ZBED4: variants seen among roughly 807,000 people sequenced by gnomAD.
ZBED4 encodes zinc finger BED domain-containing protein 4.
Under a neutral mutation model 15.5 loss-of-function variants are expected in ZBED4, and 4 were observed. The observed-to-expected ratio is 0.26, with a 90% CI of 0.13 to 0.59. The LOEUF is 0.59. Among genes scored for constraint, ZBED4 ranks in the 20% least tolerant of loss-of-function variants. ZBED4 has a pLI of 0.90. For missense variants in ZBED4, 1,323 were observed against 1,461.8 expected (o/e 0.91, Z 1.55); for synonymous variants, 692 against 608.5 (o/e 1.14, Z -2.02).
At chr22:49,881,514 C>G (rs2060409612) in intron 1 of ZBED4, among the ~76,000 whole-genome samples, 1 of 152,150 alleles carries the variant, frequency 6.6e-6, no homozygotes, top group Non-Finnish European at 1.5e-5. Flanking sequence ...GCCTTCCAAG[C>G]AGCTGAGATA....
At chr22:49,873,591 G>C (rs959155049) in intron 1 of ZBED4, among the ~76,000 whole-genome samples, 3 of 152,224 alleles carry the variant, frequency 2.0e-5, no homozygotes, top group African/African-American at 7.2e-5. Context: ...GTTAGAAAAT[G>C]GCACCGATGG....
chr22:49,856,143 A>G (rs1191192404), intron 1 of ZBED4, among the ~76,000 whole-genome samples: 1 of 152,180 alleles, frequency 6.6e-6, no homozygotes, highest in African/African-American at 2.4e-5. Flanking sequence ...ATCACTGGAT[A>G]TGTGCTTTTG....
intron 1 of ZBED4, among the ~76,000 whole-genome samples, chr22:49,870,440 C>A (rs970774953): frequency 1.3e-5 from 2 of 152,184 alleles, no homozygotes; most frequent in East Asian, 3.8e-4. Context: ...GACATCCCTG[C>A]CAGCAGTGCT....
intron 1 of ZBED4, among the ~76,000 whole-genome samples, chr22:49,866,565 T>G (rs2060323240): frequency 6.6e-6 from 1 of 152,202 alleles, no homozygotes; most frequent in African/African-American, 2.4e-5. Flanking sequence ...TCCTGATTTA[T>G]GTTGTTTCTT....
chr22:49,866,103 A>G (rs972557072), intron 1 of ZBED4, among the ~76,000 whole-genome samples: 3 of 149,698 alleles, frequency 2.0e-5, no homozygotes, highest in East Asian at 3.9e-4. Flanking sequence ...TTTCTTTCCA[A>G]GTGACTTTGT....
chr22:49,859,251 C>T (rs553997933), intron 1 of ZBED4, among the ~76,000 whole-genome samples: 11 of 152,166 alleles, frequency 7.2e-5, no homozygotes, highest in African/African-American at 2.2e-4. Flanking sequence ...CAATTCTTAG[C>T]GGAAGATGGT....
rs1263685461 is a variant in ZBED4 at position 49,889,892 on chromosome 22, A to G, written c.*2714A>G. The G allele has an allele frequency of 6.0e-6, 1 of 167,068 alleles. No individual in the cohort carries two copies. Among genetic ancestry groups the G allele is most frequent in the Non-Finnish European group, 1.5e-5 (1 of 68,116 alleles). 10.3% of individuals were successfully genotyped at this position (167,068 alleles called of 1,614,324 possible). On this transcript the variant is annotated 3_prime_UTR_variant, in exon 2 of 2. Coordinates refer to ENST00000216268, the MANE Select transcript of ZBED4 (RefSeq NM_014838.3). ...CTGTTTGTTTCCCTGCCTGGAAATG[A>G]TGTTTTAGGCAGGTTCCTTAATTTC...
rs776291488 is a variant in ZBED4 at position 49,884,052 on chromosome 22, C to T, written c.390C>T (p.Asp130=). The change falls in exon 2 of 2, where the codon GAC becomes GAT. Residue 130 remains aspartate (D), a synonymous_variant. Transcript: ENST00000216268. ...AWKHFFISPR[D]STKAICMYCV... is the part of the protein sequence containing the mutation. Reference sequence around the variant, plus strand: ...AGCATTTTTTTATCTCTCCCCGAGACAGCACTAAAGCAATATGCATGTACT... The same window carrying T: ...AGCATTTTTTTATCTCTCCCCGAGATAGCACTAAAGCAATATGCATGTACT... 4.4e-6 allele frequency: 7 copies of T among 1,604,718 alleles called. No homozygotes were observed. Among genetic ancestry groups the T allele is most frequent in the Middle Eastern group, 1.7e-4 (1 of 5,984 alleles).
chr22:49,876,160 T>C (rs1423610436), intron 1 of ZBED4, among the ~76,000 whole-genome samples: 2 of 152,226 alleles, frequency 1.3e-5, no homozygotes, highest in African/African-American at 2.4e-5. Flanking sequence ...TTGATTTTGG[T>C]TCTTTTAAAT....
chr22:49,862,258 G>A (rs2060300532), intron 1 of ZBED4, among the ~76,000 whole-genome samples: 2 of 152,282 alleles, frequency 1.3e-5, no homozygotes, highest in South Asian at 4.1e-4. Context: ...AAAGTCGCTT[G>A]GAAGGTGGTT....
intron 1 of ZBED4, among the ~76,000 whole-genome samples, chr22:49,862,137 C>T (rs1047325503): frequency 3.3e-5 from 5 of 152,198 alleles, no homozygotes; most frequent in Admixed American, 2.0e-4. Flanking sequence ...GGATGTAGCA[C>T]GGAGCAGTTG....
intron 1 of ZBED4, among the ~76,000 whole-genome samples, chr22:49,873,451 C>CA (rs1164728424): frequency 6.6e-6 from 1 of 152,068 alleles, no homozygotes; most frequent in Non-Finnish European, 1.5e-5. Flanking sequence ...TGTGGTGGCT[C>CA]ACGTTAATTA....
chr22:49,877,661 A>C (rs1569162047), intron 1 of ZBED4, among the ~76,000 whole-genome samples: 2 of 152,188 alleles, frequency 1.3e-5, no homozygotes, highest in African/African-American at 2.4e-5. Flanking sequence ...TAATCTGATA[A>C]ATATATATCC....
At position 49,883,692 on chromosome 22, in the gene ZBED4, A is replaced by C; in HGVS notation, c.30A>C (p.Lys10Asn). The C allele has an allele frequency of 3.8e-6, 6 of 1,595,904 alleles. No homozygotes were observed. Among genetic ancestry groups the C allele is most frequent in the Non-Finnish European group, 5.1e-6 (6 of 1,166,990 alleles). Residue 10 changes from lysine to asparagine, a missense_variant, in exon 2 of 2, where the codon AAA (lysine) becomes AAC (asparagine). By Grantham distance (94) the Lys-to-Asn change is moderately conservative. Coordinates refer to ENST00000216268, the MANE Select transcript of ZBED4 (RefSeq NM_014838.3). ...AGAATAACTTGAAAACTTGTCCCAA[A>C]GAGGACGGTGATTTCGTTTCTGATA... MENNLKTCPKEDGDFVSDKI... is the reference protein window; with the variant it reads MENNLKTCPNEDGDFVSDKI...
In ZBED4 at chr22:49,888,301, TCATTTGCCTA is replaced by T. The variant is rs551744389; in HGVS notation, c.*1125_*1134del. 4.7e-3 allele frequency: 787 copies of T among 167,014 alleles called. 1 individual carries two copies. Among genetic ancestry groups the T allele is most frequent in the Non-Finnish European group, 7.4e-3 (503 of 68,108 alleles). The allele number at this position is 167,014 out of a possible 1,614,324, so 10.3% of individuals were successfully genotyped here. A position where few individuals can be genotyped will look rare whatever the true frequency, so the allele number is the denominator to read the frequency against. ...AAATATTCTGAGTGAGACTAATCAC[TCATTTGCCTA>T]CGACCTTTTAGAAAAGTTGTTTTGT... On this transcript the variant is annotated 3_prime_UTR_variant, in exon 2 of 2. Transcript: ENST00000216268.
chr22:49,879,360 C>T (rs996974065), intron 1 of ZBED4, among the ~76,000 whole-genome samples: 6 of 151,854 alleles, frequency 4.0e-5, no homozygotes, highest in Non-Finnish European at 8.8e-5. Flanking sequence ...CTCCTGAGCT[C>T]GGTTGATCCG....
chr22:49,883,596 G>A lies in ZBED4; in HGVS notation c.-67G>A. ...AAGTGAAGATAATCTACATTCGGGG[G>A]CACAAATGAGCACTTGGATCAGTGT... is the stretch of plus-strand genomic sequence containing the variant. On this transcript the variant is annotated 5_prime_UTR_variant, in exon 2 of 2. Transcript: ENST00000216268. 2.1e-6 allele frequency: 3 copies of A among 1,456,188 alleles called. No homozygotes were observed. Among genetic ancestry groups the A allele is most frequent in the East Asian group, 4.6e-5 (2 of 43,242 alleles). The allele number at this position is 1,456,188 out of a possible 1,614,324, so 90.2% of individuals were successfully genotyped here. A position where few individuals can be genotyped will look rare whatever the true frequency, so the allele number is the denominator to read the frequency against.
intron 1 of ZBED4, among the ~76,000 whole-genome samples, chr22:49,859,494 C>T (rs2060288235): frequency 6.6e-6 from 1 of 152,122 alleles, no homozygotes; most frequent in Non-Finnish European, 1.5e-5. Context: ...CCCAGTGTCC[C>T]AGGCTCACGG....
intron 1 of ZBED4, among the ~76,000 whole-genome samples, chr22:49,872,369 G>C (rs1428554913): frequency 6.6e-6 from 1 of 152,130 alleles, no homozygotes; most frequent in African/African-American, 2.4e-5. Context: ...TTTGGGTTCT[G>C]TGTATAATTC....
Sources: gnomAD v4.1 joint callset for allele counts (sites outside exome capture counted in the v4.1 genomes callset) on GRCh38, gnomAD v4.1.1 for gene constraint, MANE v1.5 for transcripts, NCBI Gene and HGNC (gene_info 2026-07-23, HGNC 2026-07-21) for gene names.